NRXN2: variants seen among roughly 807,000 people sequenced by gnomAD.
NRXN2 encodes neurexin 2, also known as neurexin-2-beta.
In NRXN2, 29 loss-of-function variants were observed where a neutral mutation model predicts 128.8. That is an observed-to-expected ratio of 0.23 (90% CI 0.17 to 0.31). NRXN2 has a LOEUF of 0.31. Among genes scored for constraint, NRXN2 ranks in the 10% least tolerant of loss-of-function variants. The pLI, the probability that NRXN2 is intolerant of heterozygous loss-of-function variation, is 1.00. For synonymous variants in NRXN2, 1,098 were observed against 1,075.2 expected, an observed-to-expected ratio of 1.02 and a Z score of -0.41; for missense variants, 1,881 against 2,452.6, an observed-to-expected ratio of 0.77 and a Z score of 4.92.
At chr11:64,700,442 A>T (rs2055175266) in intron 2 of NRXN2, among the ~76,000 whole-genome samples, 1 of 152,206 alleles carries the variant, frequency 6.6e-6, no homozygotes, top group Non-Finnish European at 1.5e-5. Flanking sequence ...TAGGTTCCAG[A>T]GATTCCATTA....
intron 14 of NRXN2, 37 bp from the exon 15 acceptor site, chr11:64,650,675 G>A (rs377069289): frequency 3.3e-5 from 53 of 1,597,254 alleles, no homozygotes; most frequent in East Asian, 2.0e-4. Context: ...GGGTCAGGGC[G>A]GGGGTGATGC....
intron 7 of NRXN2, chr11:64,676,010 C>T (rs979954808): frequency 6.5e-6 from 1 of 153,118 alleles, no homozygotes; most frequent in African/African-American, 2.4e-5. Flanking sequence ...AACAGAGGAG[C>T]TCGGTGACAA....
intron 6 of NRXN2, among the ~76,000 whole-genome samples, chr11:64,684,089 T>C (rs748185729): frequency 3.9e-5 from 6 of 152,214 alleles, no homozygotes; most frequent in Non-Finnish European, 7.3e-5. Context: ...CATGTCTTTT[T>C]TTCCCCCTCT....
Position 64,667,016 on chromosome 11 carries a change from T to TA in NRXN2, c.1798+233dup, listed in dbSNP as rs1459208350. Among the ~76,000 whole-genome samples the TA allele has an allele frequency of 6.6e-6, 1 of 152,132 alleles. No individual in the cohort carries two copies. The highest frequency in any genetic ancestry group is 2.4e-5 in the African/African-American group (1 of 41,410). On this transcript the variant is annotated intron_variant, in intron 9 of 22. Transcript: ENST00000265459. The surrounding 1 kb of genome is among the most constrained non-coding windows in gnomAD (Gnocchi z 5.6). ...GAAACAGAGTCTCACATGCAGCAAG[T>TA]AGGGGAGCTGAGGTGTAATCCAGGT...
At chr11:64,625,354 C>A (rs1441645954) in intron 20 of NRXN2, among the ~76,000 whole-genome samples, 1 of 152,224 alleles carries the variant, frequency 6.6e-6, no homozygotes, top group Non-Finnish European at 1.5e-5. Flanking sequence ...GCCATGAACT[C>A]CTCAAAGGGT....
At chr11:64,628,716 A>G (rs2043425557) in intron 19 of NRXN2, among the ~76,000 whole-genome samples, 1 of 152,228 alleles carries the variant, frequency 6.6e-6, no homozygotes, top group Admixed American at 6.5e-5. Flanking sequence ...GTATGTGTGC[A>G]TCGGAGAATG....
At chr11:64,636,224 G>A (rs1188261343) in intron 17 of NRXN2, among the ~76,000 whole-genome samples, 5 of 151,934 alleles carry the variant, frequency 3.3e-5, no homozygotes, top group Admixed American at 6.5e-5. Context: ...AGTGGGAGCC[G>A]GAGATGAAGG....
rs953034474 is a variant in NRXN2 at position 64,713,157 on chromosome 11, G to A, written c.543C>T (p.Asn181=). 2.2e-5 allele frequency: 32 copies of A among 1,454,560 alleles called. No individual in the cohort carries two copies. The African/African-American group carries it at 4.4e-4, about 20-fold the overall frequency. 90.1% of individuals were successfully genotyped at this position (1,454,560 alleles called of 1,614,324 possible). Residue 181 remains asparagine, a synonymous_variant, in exon 2 of 23, where the codon AAC becomes AAT. Transcript: ENST00000265459. ...YEPPFRGLLA[N]LKLGERPPAL... ...CGGGGGGCCGCTCGCCCAGCTTCAGGTTGGCCAAGAGGCCGCGGAAGGGCG... is the reference window on the plus strand; with the variant it reads ...CGGGGGGCCGCTCGCCCAGCTTCAGATTGGCCAAGAGGCCGCGGAAGGGCG...
chr11:64,696,714 C>T (rs1014500690), intron 3 of NRXN2, among the ~76,000 whole-genome samples: 1 of 152,202 alleles, frequency 6.6e-6, no homozygotes, highest in African/African-American at 2.4e-5. Context: ...CCCAGGACTA[C>T]TGCATCCCTG....
intron 17 of NRXN2, among the ~76,000 whole-genome samples, chr11:64,637,869 G>T (rs2044998766): frequency 6.6e-6 from 1 of 152,196 alleles, no homozygotes; most frequent in African/African-American, 2.4e-5. Flanking sequence ...TGTGCCCAGA[G>T]AGGGCGGGAG....
chr11:64,701,917 C>T (rs1473445323), intron 2 of NRXN2, among the ~76,000 whole-genome samples: 5 of 141,472 alleles, frequency 3.5e-5, no homozygotes, highest in Non-Finnish European at 7.8e-5. Context: ...GGGGTCAGCC[C>T]CCCGCCCGGC....
intron 5 of NRXN2, among the ~76,000 whole-genome samples, chr11:64,687,085 C>T (rs939251085): frequency 2.0e-5 from 3 of 152,198 alleles, no homozygotes; most frequent in African/African-American, 7.2e-5. Context: ...CACAGCTGGC[C>T]CTGCCTACCT....
chr11:64,641,658 G>A (rs2045681872), intron 17 of NRXN2, among the ~76,000 whole-genome samples: 2 of 152,002 alleles, frequency 1.3e-5, no homozygotes, highest in African/African-American at 4.8e-5. Context: ...AGGAAGGACG[G>A]AAATGAGAAG....
chr11:64,690,552 G>T, intron 4 of NRXN2, 76 bp from the exon 5 acceptor site: 1 of 1,290,742 alleles, frequency 7.7e-7, no homozygotes, highest in Non-Finnish European at 1.1e-6. Context: ...GGGATGAAGG[G>T]CCCTCTCCAG....
chr11:64,708,085 C>T (rs1238098920), intron 2 of NRXN2, among the ~76,000 whole-genome samples: 2 of 148,862 alleles, frequency 1.3e-5, no homozygotes, highest in African/African-American at 5.0e-5. Flanking sequence ...GCAACAGGAG[C>T]GAAACTCCGT....
chr11:64,677,894 G>A (rs745316580), intron 6 of NRXN2, among the ~76,000 whole-genome samples: 1 of 152,226 alleles, frequency 6.6e-6, no homozygotes, highest in Non-Finnish European at 1.5e-5. Flanking sequence ...TGATGGGCCA[G>A]CTGGCTATCA....
intron 1 of NRXN2, among the ~76,000 whole-genome samples, chr11:64,717,378 C>T (rs1481104541): frequency 5.3e-5 from 8 of 152,174 alleles, no homozygotes; most frequent in East Asian, 1.9e-4. Flanking sequence ...TCTGGGGAGC[C>T]GACCTCCTGA....
rs184424835 is a variant in NRXN2, at chr11:64,650,485, C to T, written c.3072G>A (p.Thr1024=). The change falls in exon 15 of 23, where the codon ACG becomes ACA. Residue 1024 remains threonine (T), a synonymous_variant. Coordinates refer to ENST00000265459, the MANE Select transcript of NRXN2 (RefSeq NM_015080.4). ...HTLKIDSRTV[T]QHSNGARNLD... ...GGTTTCGGGCGCCATTGGAGTGCTG[C>T]GTGACAGTGCGGGAGTCAATCTTGA... is the stretch of plus-strand genomic sequence containing the variant. 4.4e-5 allele frequency: 71 copies of T among 1,614,164 alleles called. 1 individual carries two copies. In the East Asian group the frequency reaches 9.4e-4, roughly 21 times the overall value.
intron 2 of NRXN2, among the ~76,000 whole-genome samples, chr11:64,709,215 T>C (rs1468739661): frequency 2.2e-5 from 3 of 137,466 alleles, no homozygotes; most frequent in Non-Finnish European, 3.1e-5. Flanking sequence ...AAAAAAAAAG[T>C]CCTCAGTCTC....
Sources: gnomAD v4.1 joint callset for allele counts (sites outside exome capture counted in the v4.1 genomes callset) on GRCh38, gnomAD v4.1.1 for gene constraint, Gnocchi (gnomAD v3.1) non-coding constraint, MANE v1.5 for transcripts, NCBI Gene and HGNC (gene_info 2026-07-23, HGNC 2026-07-21) for gene names.